The following CLDN16 variants were observed in gnomAD, a reference collection of about 807,000 sequenced individuals.
CLDN16 encodes the protein claudin-16.
Under a neutral mutation model 24.6 loss-of-function variants are expected in CLDN16, and 13 were observed. That is an observed-to-expected ratio of 0.53 (90% CI 0.34 to 0.84). The LOEUF is 0.84. CLDN16 is among the 40% of genes least tolerant of loss of function. The pLI is 0.01. For missense variants in CLDN16, 298 were observed against 292.7 expected (o/e 1.02, Z -0.13); for synonymous variants, 116 against 106.7 (o/e 1.09, Z -0.54).
intron 1 of CLDN16, among the ~76,000 whole-genome samples, chr3:190,394,056 C>G (rs2108662601): frequency 6.6e-6 from 1 of 152,160 alleles, no homozygotes; most frequent in Non-Finnish European, 1.5e-5. Flanking sequence ...GCTGGCCACC[C>G]ATTTTTATAT....
upstream of CLDN16, among the ~76,000 whole-genome samples, chr3:190,318,597 G>A (rs1225613920): frequency 1.3e-5 from 2 of 152,134 alleles, no homozygotes; most frequent in Non-Finnish European, 2.9e-5. Flanking sequence ...TATACACTTG[G>A]CTACTTAGTG....
intron 2 of CLDN16, among the ~76,000 whole-genome samples, chr3:190,371,699 G>A (rs543943652): frequency 6.6e-6 from 1 of 152,088 alleles, no homozygotes; most frequent in South Asian, 2.1e-4. Flanking sequence ...CCTTGAATTA[G>A]GAGGTGATCC....
chr3:190,352,611 G>T (rs1465980438), intron 1 of CLDN16, among the ~76,000 whole-genome samples: 1 of 152,032 alleles, frequency 6.6e-6, no homozygotes, highest in Non-Finnish European at 1.5e-5. Context: ...GCGAAAAGTC[G>T]CACAGAAAAC....
chr3:190,361,159 A>G (rs370650739), intron 1 of CLDN16, among the ~76,000 whole-genome samples: 205 of 152,174 alleles, frequency 1.3e-3, no homozygotes, highest in African/African-American at 4.8e-3. Context: ...TCATTGAGTC[A>G]GTAATTACCC....
At chr3:190,396,472 T>C (rs1246359499) in intron 1 of CLDN16, among the ~76,000 whole-genome samples, 2 of 152,182 alleles carry the variant, frequency 1.3e-5, no homozygotes, top group Non-Finnish European at 2.9e-5. Flanking sequence ...TATGAATTGA[T>C]TGACAAATTG....
At position 190,411,802 on chromosome 3, in the gene CLDN16, A is replaced by T. The variant is rs1210510143; in HGVS notation, c.*1766A>T. Reference sequence around the variant, plus strand: ...ATTTTTATTAACTGTAATTTACTTTAAAAATATTTGCAAATCATACTCATT... The same window carrying T: ...ATTTTTATTAACTGTAATTTACTTTTAAAATATTTGCAAATCATACTCATT... On this transcript the variant is annotated 3_prime_UTR_variant, in exon 5 of 5. Transcript: ENST00000264734. The T allele has an allele frequency of 6.6e-6, 1 of 152,148 alleles. No homozygotes were observed. Among genetic ancestry groups the T allele is most frequent in the East Asian group, 1.9e-4 (1 of 5,192 alleles). 9.4% of individuals were successfully genotyped at this position (152,148 alleles called of 1,614,324 possible).
At chr3:190,316,842 T>C in the CLDN16 span, among the ~76,000 whole-genome samples, 1 of 152,188 alleles carries the variant, frequency 6.6e-6, no homozygotes, top group Non-Finnish European at 1.5e-5. Context: ...TTTGAAATAA[T>C]ACTGAGAAAT....
chr3:190,372,385 GT>G (rs1303476718), intron 2 of CLDN16, among the ~76,000 whole-genome samples: 1 of 151,858 alleles, frequency 6.6e-6, no homozygotes, highest in Non-Finnish European at 1.5e-5. Context: ...GAGCCTACCT[GT>G]TTACCCAGAT....
intron 3 of CLDN16, among the ~76,000 whole-genome samples, chr3:190,381,938 C>T (rs775004794): frequency 1.3e-4 from 19 of 151,394 alleles, no homozygotes; most frequent in Non-Finnish European, 2.4e-4. Flanking sequence ...TGAGAGAATA[C>T]TTAAATATTT....
At position 190,411,673 on chromosome 3, in the gene CLDN16, G is replaced by T. The variant is rs1371905149; in HGVS notation, c.*1637G>T. The T allele has an allele frequency of 6.6e-6, 1 of 152,114 alleles. No homozygotes were observed. Among genetic ancestry groups the T allele is most frequent in the African/African-American group, 2.4e-5 (1 of 41,424 alleles). The allele number at this position is 152,114 out of a possible 1,614,324, so 9.4% of individuals were successfully genotyped here. A position where few individuals can be genotyped will look rare whatever the true frequency, so the allele number is the denominator to read the frequency against. On this transcript the variant is annotated 3_prime_UTR_variant, in exon 5 of 5. Transcript: ENST00000264734. ...TATGATTCCTACTACATGAATTAAC[G>T]TTTCGAGATTGCTGTTTATTACTTC...
chr3:190,300,301 T>C, the CLDN16 span, among the ~76,000 whole-genome samples: 3 of 145,166 alleles, frequency 2.1e-5, no homozygotes, highest in African/African-American at 8.6e-5. Flanking sequence ...TGATCATTGC[T>C]GCCCAATGCA....
At chr3:190,352,957 T>C (rs1024355539) in intron 1 of CLDN16, among the ~76,000 whole-genome samples, 4 of 152,108 alleles carry the variant, frequency 2.6e-5, no homozygotes, top group Non-Finnish European at 5.9e-5. Context: ...TTGAATGTTA[T>C]CCCAGCTCAG....
At chr3:190,293,729 A>G in the CLDN16 span, among the ~76,000 whole-genome samples, 1 of 152,226 alleles carries the variant, frequency 6.6e-6, no homozygotes, top group African/African-American at 2.4e-5. Context: ...TGAGACAAAG[A>G]ATGTATTCAA....
chr3:190,299,194 A>G, the CLDN16 span, among the ~76,000 whole-genome samples: 3 of 152,146 alleles, frequency 2.0e-5, no homozygotes, highest in Non-Finnish European at 4.4e-5. Flanking sequence ...AAAGTTATTA[A>G]TAAGATTGAG....
intron 1 of CLDN16, among the ~76,000 whole-genome samples, chr3:190,396,398 C>T (rs1273202889): frequency 6.6e-6 from 1 of 152,130 alleles, no homozygotes; most frequent in East Asian, 1.9e-4. Flanking sequence ...GTAGAAATTG[C>T]ACTTATTAAG....
At chr3:190,308,423 C>G in the CLDN16 span, 28 of 1,613,376 alleles carry the variant, frequency 1.7e-5, no homozygotes, top group Non-Finnish European at 2.3e-5. Flanking sequence ...GTGAAGAGAG[C>G]CTGACCAAAT....
intron 1 of CLDN16, among the ~76,000 whole-genome samples, chr3:190,323,604 A>G (rs1412488258): frequency 1.3e-5 from 2 of 152,206 alleles, no homozygotes; most frequent in Non-Finnish European, 2.9e-5. Flanking sequence ...TAAAAACAGA[A>G]GCATCTTGGA....
At chr3:190,383,320 C>T (rs901230753), upstream of CLDN16, among the ~76,000 whole-genome samples, 1 of 152,090 alleles carries the variant, frequency 6.6e-6, no homozygotes. Context: ...CACTTTAAGC[C>T]TAAAGAACAA....
intron 2 of CLDN16, among the ~76,000 whole-genome samples, chr3:190,371,779 C>T (rs529639848): frequency 7.9e-5 from 12 of 152,074 alleles, no homozygotes; most frequent in South Asian, 2.1e-4. Context: ...GTAATTTGCT[C>T]ATTCCTGAAC....
Sources: allele counts gnomAD v4.1 joint callset (sites outside exome capture counted in the v4.1 genomes callset), GRCh38; gene constraint gnomAD v4.1.1; transcripts MANE v1.5; gene names NCBI Gene and HGNC (gene_info 2026-07-23, HGNC 2026-07-21).